The following DDX1 variants were observed in gnomAD, a reference collection of about 807,000 sequenced individuals.
DDX1 encodes DEAD-box helicase 1, also known as ATP-dependent RNA helicase DDX1.
In DDX1, 28 loss-of-function variants were observed where a neutral mutation model predicts 108.7. The ratio of observed to expected loss-of-function variants is 0.26; its 90% confidence interval spans 0.19 to 0.35. The LOEUF (loss-of-function observed/expected upper bound fraction) is 0.35. DDX1 is among the 10% of genes least tolerant of loss of function. The pLI is 1.00. For synonymous variants in DDX1, 295 were observed against 288.9 expected (o/e 1.02, Z -0.21); for missense variants, 710 against 884.5 (o/e 0.80, Z 2.50).
intron 19 of DDX1, among the ~76,000 whole-genome samples, chr2:15,626,209 CAG>C (rs1666098773): frequency 6.6e-6 from 1 of 152,058 alleles, no homozygotes; most frequent in South Asian, 2.1e-4. Context: ...ATACCCTAAC[CAG>C]AGAGTTATAG....
At chr2:15,619,014 G>A (rs903467879) in intron 16 of DDX1, among the ~76,000 whole-genome samples, 1 of 152,208 alleles carries the variant, frequency 6.6e-6, no homozygotes, top group African/African-American at 2.4e-5. Context: ...GGGCCTTTTA[G>A]GGCCCCCCGA....
chr2:15,620,881 C>T (rs980735039), intron 17 of DDX1, among the ~76,000 whole-genome samples, 184 bp from the exon 18 acceptor site: 2 of 151,902 alleles, frequency 1.3e-5, no homozygotes, highest in Non-Finnish European at 2.9e-5. Flanking sequence ...GGTCTTAGAC[C>T]TATAGTTAAT....
At chr2:15,626,430 A>C (rs1176597383) in intron 19 of DDX1, among the ~76,000 whole-genome samples, 1 of 152,196 alleles carries the variant, frequency 6.6e-6, no homozygotes, top group Non-Finnish European at 1.5e-5. Flanking sequence ...GAGAATAGTT[A>C]AGTGCCATAA....
chr2:15,610,889 AT>A (rs1665740834), intron 13 of DDX1, among the ~76,000 whole-genome samples: 2 of 150,264 alleles, frequency 1.3e-5, no homozygotes, highest in South Asian at 2.1e-4. Context: ...TTATTTTTTA[AT>A]TTATTTATTT....
intron 10 of DDX1, among the ~76,000 whole-genome samples, chr2:15,604,860 T>G (rs79808866): frequency 0.13 from 19,673 of 152,078 alleles, 1,613 homozygotes; most frequent in East Asian, 0.37. Flanking sequence ...TCAAAAGGCT[T>G]GATAAGGGAC....
intron 13 of DDX1, among the ~76,000 whole-genome samples, chr2:15,608,238 G>A (rs554799385): frequency 3.7e-4 from 57 of 152,238 alleles, no homozygotes; most frequent in African/African-American, 1.3e-3. Flanking sequence ...ATTTGAAAGT[G>A]CACAATTCAG....
intron 13 of DDX1, among the ~76,000 whole-genome samples, chr2:15,608,804 G>A (rs1665711578): frequency 6.6e-6 from 1 of 151,736 alleles, no homozygotes; most frequent in African/African-American, 2.4e-5. Context: ...TCAGCCTCCC[G>A]AGTAGCTGAG....
chr2:15,618,488 G>A (rs76880770), intron 16 of DDX1, among the ~76,000 whole-genome samples: 19,012 of 152,194 alleles, frequency 0.12, 1,520 homozygotes, highest in East Asian at 0.37. Context: ...AGCCAGGCGC[G>A]GAGTGGTGAG....
intron 13 of DDX1, among the ~76,000 whole-genome samples, chr2:15,608,704 G>A (rs1257031815): frequency 1.0e-5 from 1 of 98,938 alleles, no homozygotes; most frequent in Non-Finnish European, 1.9e-5. Context: ...TCGCTATGTT[G>A]CCCAGGCTGA....
chr2:15,605,700 T>C (rs1665650771), intron 10 of DDX1, among the ~76,000 whole-genome samples: 1 of 152,078 alleles, frequency 6.6e-6, no homozygotes, highest in Admixed American at 6.5e-5. Context: ...TGTGAGAGTA[T>C]GTTTATATGC....
Position 15,627,079 on chromosome 2 carries a change from C to T in DDX1, c.1620C>T (p.Phe540=), listed in dbSNP as rs201143228. 6.2e-7 allele frequency: 1 copy of T among 1,610,906 alleles called. No homozygotes were observed. The highest frequency in any genetic ancestry group is 1.7e-5 in the Admixed American group (1 of 59,624). ...GACCTGATAAAAAAGGACACCAGTT[C>T]TCATGTGTTTGTCTTCATGGTGACA... ...GGGPDKKGHQ[F]SCVCLHGDRK... is the part of the protein sequence containing the mutation. The change falls in exon 20 of 26, where the codon TTC becomes TTT. Residue 540 remains phenylalanine (F), a synonymous_variant. Transcript: ENST00000233084.
At chr2:15,597,801 TAAGG>T (rs1665525427) in intron 5 of DDX1, among the ~76,000 whole-genome samples, 1 of 152,164 alleles carries the variant, frequency 6.6e-6, no homozygotes, top group African/African-American at 2.4e-5. Flanking sequence ...ACAAAAATAT[TAAGG>T]AAGGATTTTA....
chr2:15,618,627 C>A (rs2148746756), intron 16 of DDX1, among the ~76,000 whole-genome samples: 1 of 152,374 alleles, frequency 6.6e-6, no homozygotes, highest in South Asian at 2.1e-4. Flanking sequence ...GGCCCCGAGG[C>A]TTCAGGTCTT....
Position 15,629,620 on chromosome 2 carries a change from A to G in DDX1, c.1894A>G (p.Ser632Gly). The G allele has an allele frequency of 6.3e-7, 1 of 1,594,722 alleles. No homozygotes were observed. The highest frequency in any genetic ancestry group is 8.5e-7 in the Non-Finnish European group (1 of 1,173,798). Residue 632 changes from serine (S) to glycine (G), a missense_variant, in exon 24 of 26, where the codon AGC becomes GGC. Physicochemically the swap from Ser to Gly is moderately conservative, Grantham distance 56. Around this residue, in one of 3 missense-constraint regions of DDX1, gnomAD observed 661 missense variants for 810.2 expected, o/e 0.82. Transcript: ENST00000233084. The stretch of plus-strand genomic sequence containing the variant: ...AATTTAGGTTTGGTACCATGTATGT[A>G]GCAGCCGTGGAAAAGGGTGTTATAA... ...EKEKVWYHVC[S>G]SRGKGCYNTR... is the part of the protein sequence containing the mutation.
At chr2:15,606,625 T>C (rs1015891158) in intron 12 of DDX1, among the ~76,000 whole-genome samples, 4 of 152,242 alleles carry the variant, frequency 2.6e-5, no homozygotes, top group Non-Finnish European at 4.4e-5. Context: ...GAATAGGGAC[T>C]TTAAGTGATT....
In DDX1 at chr2:15,631,092, G is replaced by C; in HGVS notation, c.*186G>C. ...ATGGCATCCCAATGAAAATAAATTT[G>C]ATGACTATATTTTCATGAAGGTTTG... On this transcript the variant is annotated 3_prime_UTR_variant, in exon 26 of 26. Transcript: ENST00000233084. 1 of 476,570 alleles carries C rather than the reference G, an allele frequency of 2.1e-6. No individual in the cohort carries two copies. The highest frequency in any genetic ancestry group is 3.6e-6 in the Non-Finnish European group (1 of 275,032). 29.5% of individuals were successfully genotyped at this position (476,570 alleles called of 1,614,324 possible).
intron 2 of DDX1, 45 bp from the exon 3 acceptor site, chr2:15,595,444 AT>A: frequency 3.3e-6 from 5 of 1,524,488 alleles, no homozygotes; most frequent in East Asian, 2.3e-5. Context: ...TGCTTAGGCG[AT>A]TTTTTTCCCC....
intron 13 of DDX1, 147 bp from the exon 14 acceptor site, chr2:15,613,076 TC>T: frequency 1.7e-6 from 1 of 574,150 alleles, no homozygotes; most frequent in Non-Finnish European, 3.1e-6. Flanking sequence ...CTTTGTAACT[TC>T]CCCCAGACTT....
rs1490733778 is a variant in DDX1 at position 15,630,759 on chromosome 2, AT to A, written c.2093-14del. ...AGCATGTCATTTACATTACTTTGTT[AT>A]TTGTGTGTGATGCAGGTGGAAGCTA... On this transcript the variant is annotated splice_polypyrimidine_tract_variant and intron_variant, in intron 25 of 25. Coordinates refer to ENST00000233084, the MANE Select transcript of DDX1 (RefSeq NM_004939.3). 1 of 1,606,978 alleles carries A rather than the reference AT, an allele frequency of 6.2e-7. No homozygotes were observed. Among genetic ancestry groups the A allele is most frequent in the South Asian group, 1.1e-5 (1 of 90,532 alleles).
Sources: gnomAD v4.1 joint callset for allele counts (sites outside exome capture counted in the v4.1 genomes callset) on GRCh38, gnomAD v4.1.1 for gene constraint, gnomAD v4.1.1 regional missense constraint, MANE v1.5 for transcripts, NCBI Gene and HGNC (gene_info 2026-07-23, HGNC 2026-07-21) for gene names.